Variants in PARD6G observed in about 807,000 individuals in gnomAD.
PARD6G encodes partitioning defective 6 homolog gamma.
PARD6G carries 7 observed loss-of-function variants against 10.7 expected under a neutral mutation model. The ratio of observed to expected loss-of-function variants is 0.66; its 90% CI spans 0.37 to 1.23. PARD6G has a LOEUF of 1.23. Ranked by LOEUF, PARD6G falls within the 50% of genes most tolerant of loss-of-function variation. The probability of loss-of-function intolerance (pLI) is 0.02; values close to 1 mark genes in which losing one functional copy is unlikely to be tolerated. For synonymous variants in PARD6G, 287 were observed against 269.4 expected (o/e 1.07, Z -0.64); for missense variants, 548 against 571.8 (o/e 0.96, Z 0.42).
At chr18:80,169,037 C>G (rs370394478) in intron 2 of PARD6G, 1 of 169,258 alleles carries the variant, frequency 5.9e-6, no homozygotes, top group Non-Finnish European at 1.5e-5. Flanking sequence ...GTCCTTCTCT[C>G]GGATGGAGCC....
intron 2 of PARD6G, among the ~76,000 whole-genome samples, chr18:80,172,506 C>T (rs1189552198): frequency 2.0e-5 from 3 of 151,878 alleles, no homozygotes; most frequent in African/African-American, 4.8e-5. Context: ...AGTGCCTCAA[C>T]CTCCCAAGTA....
chr18:80,189,345 A>G lies in PARD6G; in HGVS notation c.295+13365T>C, dbSNP rs1024322259. 2 of 152,212 alleles carry G rather than the reference A, an allele frequency of 1.3e-5. No homozygotes were observed. Among genetic ancestry groups the G allele is most frequent in the African/African-American group, 4.8e-5 (2 of 41,452 alleles). 9.4% of individuals were successfully genotyped at this position (152,212 alleles called of 1,614,324 possible). A position where few individuals can be genotyped will look rare whatever the true frequency, so the allele number is the denominator to read the frequency against. ...AACGTGGTCCTCATCGGACTGGCCA[A>G]TGGTTCCTTCCTAACTCAACCAAGG... On this transcript the variant is annotated intron_variant, in intron 2 of 2. Transcript: ENST00000353265. The surrounding 1 kb of genome is among the most constrained non-coding windows in gnomAD (Gnocchi z 5.5).
chr18:80,218,602 A>G (rs1294260092), intron 1 of PARD6G, among the ~76,000 whole-genome samples: 1 of 151,976 alleles, frequency 6.6e-6, no homozygotes, highest in Admixed American at 6.6e-5. Flanking sequence ...TTCCAGGCGC[A>G]CAGTGCAAGC....
chr18:80,173,292 C>T (rs952446962), intron 2 of PARD6G, among the ~76,000 whole-genome samples: 2 of 152,090 alleles, frequency 1.3e-5, no homozygotes, highest in African/African-American at 2.4e-5. Flanking sequence ...ACTACAAGGG[C>T]AGGGGTCACA....
In PARD6G at chr18:80,160,445, G is replaced by A; in HGVS notation, c.457C>T (p.Pro153Ser). The change falls in exon 3 of 3, where the codon CCC becomes TCC. Residue 153 changes from proline (P) to serine (S), a missense_variant. Pro to Ser is a moderately conservative substitution (Grantham distance 74). Transcript: ENST00000353265. ...VSSIIDVDLVPETHRRVRLHR... is the reference protein window; with the variant it reads ...VSSIIDVDLVSETHRRVRLHR... Reference sequence around the variant, plus strand: ...AGCCGCACTCGCCGGTGCGTCTCGGGGACCAGGTCCACATCGATGATGGAT... The same window carrying A: ...AGCCGCACTCGCCGGTGCGTCTCGGAGACCAGGTCCACATCGATGATGGAT... The A allele has an allele frequency of 1.3e-6, 2 of 1,581,368 alleles. No individual in the cohort carries two copies. The highest frequency in any genetic ancestry group is 1.7e-6 in the Non-Finnish European group (2 of 1,163,732).
At position 80,246,263 on chromosome 18, in the gene PARD6G, G is replaced by T. The variant is rs939851190; in HGVS notation, c.72+1014C>A. On this transcript the variant is annotated intron_variant, in intron 1 of 2. Transcript: ENST00000353265. This position sits in a 1 kb window ranked among gnomAD's most constrained non-coding sequence, Gnocchi z 6.7. ...AGAGTAGCCAGCGAAAGACTCGAGG[G>T]GCCCCCTCCCGCAGGACCCCGAACA... Among the ~76,000 whole-genome samples the T allele has an allele frequency of 3.3e-5, 5 of 152,172 alleles. No homozygotes were observed. Among genetic ancestry groups the T allele is most frequent in the African/African-American group, 1.2e-4 (5 of 41,450 alleles).
chr18:80,198,121 G>A (rs556663967), intron 2 of PARD6G, among the ~76,000 whole-genome samples: 148 of 152,294 alleles, frequency 9.7e-4, no homozygotes, highest in Non-Finnish European at 1.5e-3. Flanking sequence ...CCATGTAGTC[G>A]TTGAGAGAAC....
intron 2 of PARD6G, chr18:80,202,488 T>C: frequency 2.1e-6 from 1 of 478,606 alleles, no homozygotes; most frequent in Non-Finnish European, 3.8e-6. Flanking sequence ...ATATTATTCT[T>C]TCTTCAGTAT....
At position 80,203,228 on chromosome 18, in the gene PARD6G, GT is replaced by G. The variant is rs375659074; in HGVS notation, c.73-297del. Among the ~76,000 whole-genome samples the G allele has an allele frequency of 8.5e-5, 13 of 152,230 alleles. No homozygotes were observed. In the East Asian group the frequency reaches 2.1e-3, roughly 25 times the overall value. ...TCAGTTCTCTGAGATATCTCATACT[GT>G]TTGCTACAGAGGCTGATGAATTTAA... On this transcript the variant is annotated intron_variant, in intron 1 of 2. Transcript: ENST00000353265.
chr18:80,237,108 G>C (rs985831457), intron 1 of PARD6G, among the ~76,000 whole-genome samples: 9 of 152,068 alleles, frequency 5.9e-5, no homozygotes, highest in Non-Finnish European at 1.3e-4. Flanking sequence ...TACACTACAA[G>C]GCTACAGTAA....
intron 1 of PARD6G, among the ~76,000 whole-genome samples, chr18:80,216,660 A>G (rs545655040): frequency 7.9e-5 from 12 of 152,276 alleles, no homozygotes; most frequent in African/African-American, 2.9e-4. Context: ...ACCTATATTT[A>G]AAAAGAAAGA....
Position 80,175,756 on chromosome 18 carries a change from C to G in PARD6G, c.296-15150G>C, listed in dbSNP as rs527903222. ...TCACCATCACAAAAAAACACCACAG[C>G]GAACAACCACACAGACCCGCCACTG... On this transcript the variant is annotated intron_variant, in intron 2 of 2. Coordinates refer to ENST00000353265, the MANE Select transcript of PARD6G (RefSeq NM_032510.4). The surrounding 1 kb of genome is among the most constrained non-coding windows in gnomAD (Gnocchi z 6.7). 1.4e-3 allele frequency: 238 copies of G among 164,506 alleles called. 1 individual carries two copies. The highest frequency in any genetic ancestry group is 5.5e-3 in the African/African-American group (229 of 41,544). The allele number at this position is 164,506 out of a possible 1,614,324, so 10.2% of individuals were successfully genotyped here. A position where few individuals can be genotyped will look rare whatever the true frequency, so the allele number is the denominator to read the frequency against.
Position 80,247,407 on chromosome 18 carries a change from T to A in PARD6G, c.-59A>T, listed in dbSNP as rs1391258052. ...CGCTCCTCAGGGGCCGCAGAAAGAC[T>A]CCCGGGGGCGGCGCCCCCAGGCCCC... On this transcript the variant is annotated 5_prime_UTR_variant, in exon 1 of 3. Coordinates refer to ENST00000353265, the MANE Select transcript of PARD6G (RefSeq NM_032510.4). The surrounding 1 kb of genome is among the most constrained non-coding windows in gnomAD (Gnocchi z 4.2). 7.1e-7 allele frequency: 1 copy of A among 1,404,714 alleles called. No homozygotes were observed. Among genetic ancestry groups the A allele is most frequent in the Non-Finnish European group, 9.6e-7 (1 of 1,045,126 alleles). The allele number at this position is 1,404,714 out of a possible 1,614,324, so 87.0% of individuals were successfully genotyped here.
chr18:80,196,695 C>A (rs139471731), intron 2 of PARD6G, among the ~76,000 whole-genome samples: 1 of 152,070 alleles, frequency 6.6e-6, no homozygotes, highest in South Asian at 2.1e-4. Flanking sequence ...CTGCAGGGCT[C>A]GGCTTCATGT....
intron 2 of PARD6G, among the ~76,000 whole-genome samples, chr18:80,190,183 G>A (rs1163664040): frequency 6.6e-6 from 1 of 152,124 alleles, no homozygotes; most frequent in African/African-American, 2.4e-5. Context: ...CATGTTTTCT[G>A]CTTAATATCG....
rs1378388413 is a variant in PARD6G, at chr18:80,181,629, C to G, written c.296-21023G>C. Among the ~76,000 whole-genome samples the G allele has an allele frequency of 6.6e-6, 1 of 152,104 alleles. No individual in the cohort carries two copies. Among genetic ancestry groups the G allele is most frequent in the Non-Finnish European group, 1.5e-5 (1 of 68,022 alleles). On this transcript the variant is annotated intron_variant, in intron 2 of 2. Coordinates refer to ENST00000353265, the MANE Select transcript of PARD6G (RefSeq NM_032510.4). The surrounding 1 kb of genome is among the most constrained non-coding windows in gnomAD (Gnocchi z 7.9). ...CAACAAGGAGGGTCTCCTCCCCATCCTCCCTCATCAGCGACTGTGCCCCTG... is the reference window on the plus strand; with the variant it reads ...CAACAAGGAGGGTCTCCTCCCCATCGTCCCTCATCAGCGACTGTGCCCCTG...
rs1246555107 is a variant in PARD6G, at chr18:80,192,798, G to A, written c.295+9912C>T. Among the ~76,000 whole-genome samples, 1 of 152,122 alleles carries A rather than the reference G, an allele frequency of 6.6e-6. No individual in the cohort carries two copies. Among genetic ancestry groups the A allele is most frequent in the African/African-American group, 2.4e-5 (1 of 41,424 alleles). On this transcript the variant is annotated intron_variant, in intron 2 of 2. Coordinates refer to ENST00000353265, the MANE Select transcript of PARD6G (RefSeq NM_032510.4). This position sits in a 1 kb window ranked among gnomAD's most constrained non-coding sequence, Gnocchi z 4.9. ...CTCCTCCTCACAGTCCCCACGCTGT[G>A]GGCAGGGACCCTCCTGGCTCGCCGG...
At position 80,160,035 on chromosome 18, in the gene PARD6G, G is replaced by A; in HGVS notation, c.867C>T (p.His289=). 1 of 1,541,370 alleles carries A rather than the reference G, an allele frequency of 6.5e-7. No homozygotes were observed. The highest frequency in any genetic ancestry group is 8.7e-7 in the Non-Finnish European group (1 of 1,149,908). Residue 289 remains histidine, a synonymous_variant, in exon 3 of 3, where the codon CAC becomes CAT. Coordinates refer to ENST00000353265, the MANE Select transcript of PARD6G (RefSeq NM_032510.4). ...CCTCATCGCTCTCCGCCTCGTCGGG[G>A]TGGAAGTTCTGCAGGACGCGCGGGG... ...PPAPRVLQNF[H]PDEAESDEDN...
intron 2 of PARD6G, among the ~76,000 whole-genome samples, chr18:80,194,382 C>G (rs1966930769): frequency 6.6e-6 from 1 of 152,180 alleles, no homozygotes; most frequent in Non-Finnish European, 1.5e-5. Context: ...TAGCTGAGAA[C>G]TTATTCACAA....
Sources: gnomAD v4.1 joint callset for allele counts (sites outside exome capture counted in the v4.1 genomes callset) on GRCh38, gnomAD v4.1.1 for gene constraint, Gnocchi (gnomAD v3.1) non-coding constraint, MANE v1.5 for transcripts, NCBI Gene and HGNC (gene_info 2026-07-23, HGNC 2026-07-21) for gene names.